Variants in TRIM62 observed in about 807,000 individuals in gnomAD.
TRIM62 encodes tripartite motif containing 62.
In TRIM62, 39 loss-of-function variants were observed where a neutral mutation model predicts 44.2. The observed-to-expected ratio is 0.88, with a 90% CI of 0.68 to 1.15. The LOEUF (loss-of-function observed/expected upper bound fraction) is 1.15. Among genes scored for constraint, TRIM62 ranks in the 50% most tolerant of loss-of-function variants. The pLI is 0.00. For missense variants in TRIM62, 544 were observed against 665.5 expected (o/e 0.82, Z 2.01); for synonymous variants, 278 against 292.3 (o/e 0.95, Z 0.50).
intron 4 of TRIM62, among the ~76,000 whole-genome samples, chr1:33,154,417 G>A (rs989629499): frequency 6.6e-6 from 1 of 152,190 alleles, no homozygotes; most frequent in Non-Finnish European, 1.5e-5. Context: ...TGTAGGATCT[G>A]GGGCCTGCCA....
chr1:33,159,644 G>T lies in TRIM62; in HGVS notation c.761+44C>A. The T allele has an allele frequency of 6.3e-7, 1 of 1,578,258 alleles. No homozygotes were observed. The highest frequency in any genetic ancestry group is 2.3e-5 in the East Asian group (1 of 44,350). On this transcript the variant is annotated intron_variant, in intron 3 of 4. Coordinates refer to ENST00000291416, the MANE Select transcript of TRIM62 (RefSeq NM_018207.3). This position sits in a 1 kb window ranked among gnomAD's most constrained non-coding sequence, Gnocchi z 4.2. ...CTCCCACTGCCCAGCATGGGTCGAG[G>T]AGGGGATGGTCAGCCGGGGAGGGCC...
chr1:33,159,843 C>T lies in TRIM62; in HGVS notation c.606G>A (p.Ala202=), dbSNP rs567502442. 39 of 1,613,572 alleles carry T rather than the reference C, an allele frequency of 2.4e-5. No homozygotes were observed. Among genetic ancestry groups the T allele is most frequent in the South Asian group, 1.8e-4 (16 of 91,080 alleles). The change falls in exon 3 of 5, where the codon GCG becomes GCA. Residue 202 remains alanine (A), a synonymous_variant. Coordinates refer to ENST00000291416, the MANE Select transcript of TRIM62 (RefSeq NM_018207.3). The surrounding 1 kb of genome is among the most constrained non-coding windows in gnomAD (Gnocchi z 4.2). ...TGTCGGTCAGCGTGCGGGCCGTGTC[C>T]GCCTCCAGCTCCTCTAGCATGGCCT... is the stretch of plus-strand genomic sequence containing the variant. ...RQKAMLEELE[A]DTARTLTDIE...
rs1023889204 is a variant in TRIM62, at chr1:33,161,069, G to A, written c.505-1125C>T. Among the ~76,000 whole-genome samples the A allele has an allele frequency of 6.6e-6, 1 of 152,260 alleles. No individual in the cohort carries two copies. The highest frequency in any genetic ancestry group is 2.4e-5 in the African/African-American group (1 of 41,476). On this transcript the variant is annotated intron_variant, in intron 2 of 4. Transcript: ENST00000291416. The surrounding 1 kb of genome is among the most constrained non-coding windows in gnomAD (Gnocchi z 4.3). ...AGTTGCCTAAGAGCTGTGAACCTTA[G>A]TTTTCTTATCTGTGAAAGGAGTAAC...
At chr1:33,172,737 T>C (rs1379497265) in intron 1 of TRIM62, among the ~76,000 whole-genome samples, 1 of 152,052 alleles carries the variant, frequency 6.6e-6, no homozygotes, top group East Asian at 1.9e-4. Context: ...GAGGCAGGGC[T>C]CAAATGTTCC....
At chr1:33,169,983 T>G (rs1484089021) in intron 1 of TRIM62, among the ~76,000 whole-genome samples, 1 of 152,202 alleles carries the variant, frequency 6.6e-6, no homozygotes, top group Non-Finnish European at 1.5e-5. Flanking sequence ...CCCACACTTG[T>G]ACCCTGATGG....
intron 4 of TRIM62, among the ~76,000 whole-genome samples, chr1:33,150,955 TGGGTGATTTGAGA>T (rs1645088280): frequency 6.6e-6 from 1 of 152,050 alleles, no homozygotes; most frequent in East Asian, 1.9e-4. Flanking sequence ...CTAAGGCGCC[TGGGTGATTTGAGA>T]CCAGCAACAG....
rs917888721 is a variant in TRIM62, at chr1:33,167,453, GA to G, written c.409-1888del. On this transcript the variant is annotated intron_variant, in intron 1 of 4. Coordinates refer to ENST00000291416, the MANE Select transcript of TRIM62 (RefSeq NM_018207.3). The surrounding 1 kb of genome is among the most constrained non-coding windows in gnomAD (Gnocchi z 4.2). ...GGGTCCAGCTGTCTGCAGGCATTGGGAATCTAGCCCATTGTATTATCGCCAG... is the reference window on the plus strand; with the variant it reads ...GGGTCCAGCTGTCTGCAGGCATTGGGATCTAGCCCATTGTATTATCGCCAG... Among the ~76,000 whole-genome samples the G allele has an allele frequency of 1.6e-4, 25 of 152,156 alleles. No homozygotes were observed. The highest frequency in any genetic ancestry group is 4.8e-4 in the African/African-American group (20 of 41,418).
chr1:33,162,004 G>A (rs2124734422), intron 2 of TRIM62, among the ~76,000 whole-genome samples: 1 of 152,194 alleles, frequency 6.6e-6, no homozygotes, highest in Admixed American at 6.5e-5. Flanking sequence ...CCTGTCTCCT[G>A]AGTGCCACAC....
chr1:33,166,405 C>T (rs1270190607), intron 1 of TRIM62: 3 of 151,274 alleles, frequency 2.0e-5, no homozygotes, highest in Admixed American at 2.0e-4. Context: ...AGGTTGGGGA[C>T]CACTGCTCTA....
rs1236950696 is a variant in TRIM62, at chr1:33,159,187, T to G, written c.761+501A>C. The stretch of plus-strand genomic sequence containing the variant: ...ATGCATGAAATGATGATGACAGTGG[T>G]AACTACTTTCAAAGGGACTGAGAGG... On this transcript the variant is annotated intron_variant, in intron 3 of 4. Coordinates refer to ENST00000291416, the MANE Select transcript of TRIM62 (RefSeq NM_018207.3). This position sits in a 1 kb window ranked among gnomAD's most constrained non-coding sequence, Gnocchi z 4.2. 6.6e-6 allele frequency among the ~76,000 whole-genome samples: 1 copy of G among 152,024 alleles called. No homozygotes were observed. The highest frequency in any genetic ancestry group is 1.5e-5 in the Non-Finnish European group (1 of 67,998).
intron 1 of TRIM62, 40 bp downstream of exon 1, chr1:33,180,985 C>T: frequency 1.4e-6 from 1 of 730,898 alleles, no homozygotes; most frequent in Non-Finnish European, 2.1e-6. Context: ...CCACCTCCAG[C>T]CCGGCCCCGC....
chr1:33,148,871 A>G (rs1288134061), intron 4 of TRIM62, among the ~76,000 whole-genome samples: 4 of 152,228 alleles, frequency 2.6e-5, no homozygotes, highest in Non-Finnish European at 5.9e-5. Context: ...GAGGGGAGAC[A>G]TGACAAACTT....
chr1:33,160,856 C>T (rs923705059), intron 2 of TRIM62, among the ~76,000 whole-genome samples: 1 of 152,222 alleles, frequency 6.6e-6, no homozygotes, highest in Non-Finnish European at 1.5e-5. Context: ...CTCTAGGACC[C>T]TCTGGCTAAG....
Position 33,167,365 on chromosome 1 carries a change from A to G in TRIM62, c.409-1799T>C, listed in dbSNP as rs1343485501. On this transcript the variant is annotated intron_variant, in intron 1 of 4. Transcript: ENST00000291416. This position sits in a 1 kb window ranked among gnomAD's most constrained non-coding sequence, Gnocchi z 4.2. Reference sequence around the variant, plus strand: ...CTGGCTTGTTCCCTGCCTTATGCCCAGGGACTCAGTGATTATTTGTCAAGT... The same window carrying G: ...CTGGCTTGTTCCCTGCCTTATGCCCGGGGACTCAGTGATTATTTGTCAAGT... 6.6e-6 allele frequency among the ~76,000 whole-genome samples: 1 copy of G among 152,342 alleles called. No individual in the cohort carries two copies. Among genetic ancestry groups the G allele is most frequent in the African/African-American group, 2.4e-5 (1 of 41,578 alleles).
At chr1:33,173,037 C>T (rs1365531844) in intron 1 of TRIM62, among the ~76,000 whole-genome samples, 1 of 152,200 alleles carries the variant, frequency 6.6e-6, no homozygotes, top group Non-Finnish European at 1.5e-5. Context: ...CTCTCTTTCC[C>T]TCTCTGACCC....
Position 33,145,805 on chromosome 1 carries a change from A to C in TRIM62, c.*1372T>G. On this transcript the variant is annotated 3_prime_UTR_variant, in exon 5 of 5. Coordinates refer to ENST00000291416, the MANE Select transcript of TRIM62 (RefSeq NM_018207.3). Reference sequence around the variant, plus strand: ...CCTCTCCCGAGTTCTTCACGATTGGATGCTGTGGCAGAAAAACGCAGGTGG... The same window carrying C: ...CCTCTCCCGAGTTCTTCACGATTGGCTGCTGTGGCAGAAAAACGCAGGTGG... 2.1e-6 allele frequency: 1 copy of C among 467,758 alleles called. No individual in the cohort carries two copies. Among genetic ancestry groups the C allele is most frequent in the East Asian group, 7.0e-5 (1 of 14,372 alleles). The allele number at this position is 467,758 out of a possible 1,614,324, so 29.0% of individuals were successfully genotyped here.
At position 33,147,102 on chromosome 1, in the gene TRIM62, A is replaced by T. The variant is rs1365015059; in HGVS notation, c.*75T>A. ...CAGTGGCCACGGTGGGCTGGAGTCC[A>T]GGTCTTCTATCTCCTGGGCAGGGCT... On this transcript the variant is annotated 3_prime_UTR_variant, in exon 5 of 5. Coordinates refer to ENST00000291416, the MANE Select transcript of TRIM62 (RefSeq NM_018207.3). The surrounding 1 kb of genome is among the most constrained non-coding windows in gnomAD (Gnocchi z 8.1). 2 of 1,530,818 alleles carry T rather than the reference A, an allele frequency of 1.3e-6. No homozygotes were observed. The highest frequency in any genetic ancestry group is 2.7e-5 in the African/African-American group (2 of 72,866). 94.8% of individuals were successfully genotyped at this position (1,530,818 alleles called of 1,614,324 possible).
intron 1 of TRIM62, among the ~76,000 whole-genome samples, chr1:33,174,020 T>A (rs1291874623): frequency 1.3e-5 from 2 of 151,988 alleles, no homozygotes; most frequent in Non-Finnish European, 2.9e-5. Flanking sequence ...TTAAAAAAAA[T>A]TTTATTGAGG....
chr1:33,151,108 G>A lies in TRIM62; in HGVS notation c.878-3381C>T, dbSNP rs115847675. On this transcript the variant is annotated intron_variant, in intron 4 of 4. Transcript: ENST00000291416. ...GAGCCACTTGTGGTGCCACTGATGA[G>A]TGGGAGGGCACCCTAGGAGGGAGAC... 6.8e-3 allele frequency among the ~76,000 whole-genome samples: 1,038 copies of A among 152,194 alleles called. 9 individuals are homozygous for A. Among genetic ancestry groups the A allele is most frequent in the African/African-American group, 0.024 (979 of 41,532 alleles).
Sources: gnomAD v4.1 joint callset for allele counts (sites outside exome capture counted in the v4.1 genomes callset) on GRCh38, gnomAD v4.1.1 for gene constraint, Gnocchi (gnomAD v3.1) non-coding constraint, MANE v1.5 for transcripts, NCBI Gene and HGNC (gene_info 2026-07-23, HGNC 2026-07-21) for gene names.